Variants in MIR2052HG observed in about 807,000 individuals in gnomAD.
MIR2052HG encodes the protein MIR2052 host gene.
intron 4 of MIR2052HG, among the ~76,000 whole-genome samples, chr8:74,751,065 C>T (rs981768218): frequency 1.3e-5 from 2 of 152,128 alleles, no homozygotes; most frequent in African/African-American, 4.8e-5. Flanking sequence ...CAAATTTGCC[C>T]ACTCATTAAA....
intron 2 of MIR2052HG, among the ~76,000 whole-genome samples, chr8:74,647,982 A>C (rs1481965481): frequency 6.6e-6 from 1 of 152,150 alleles, no homozygotes; most frequent in Non-Finnish European, 1.5e-5. Flanking sequence ...TTGATTGTAA[A>C]ATATGTGTGT....
chr8:74,686,647 A>G (rs566957434), intron 2 of MIR2052HG, among the ~76,000 whole-genome samples: 1 of 152,212 alleles, frequency 6.6e-6, no homozygotes, highest in East Asian at 1.9e-4. Context: ...AAATGATATT[A>G]GTGCCCTATG....
intron 4 of MIR2052HG, among the ~76,000 whole-genome samples, chr8:74,712,855 T>G (rs1809483945): frequency 6.6e-6 from 1 of 152,130 alleles, no homozygotes; most frequent in African/African-American, 2.4e-5. Context: ...TTTGGGGCAG[T>G]AGGGATGTAG....
chr8:74,750,012 T>A (rs1024070666), intron 4 of MIR2052HG, among the ~76,000 whole-genome samples: 2 of 152,188 alleles, frequency 1.3e-5, no homozygotes, highest in African/African-American at 4.8e-5. Flanking sequence ...TTACATTTCT[T>A]TTCTCTGAGA....
At chr8:74,678,997 A>G (rs1809087164) in intron 2 of MIR2052HG, among the ~76,000 whole-genome samples, 1 of 152,228 alleles carries the variant, frequency 6.6e-6, no homozygotes, top group Non-Finnish European at 1.5e-5. Context: ...AAAGTTCAAC[A>G]TTCCATCCAT....
At chr8:74,627,201 C>CATT (rs1340048472) in intron 2 of MIR2052HG, among the ~76,000 whole-genome samples, 1 of 152,196 alleles carries the variant, frequency 6.6e-6, no homozygotes, top group Non-Finnish European at 1.5e-5. Flanking sequence ...CTTCAGGACA[C>CATT]ATTACAGTTT....
chr8:74,633,013 ATTTG>A (rs369694068), intron 2 of MIR2052HG, among the ~76,000 whole-genome samples: 2,696 of 151,334 alleles, frequency 0.018, 71 homozygotes, highest in African/African-American at 0.056. Flanking sequence ...CTACTCTTTT[ATTTG>A]TTTGTTTGTT....
intron 4 of MIR2052HG, among the ~76,000 whole-genome samples, chr8:74,724,596 T>A: frequency 6.6e-6 from 1 of 152,242 alleles, no homozygotes; most frequent in African/African-American, 2.4e-5. Context: ...TTGCATTTGT[T>A]ATTTTGACAA....
At chr8:74,622,278 C>A (rs1230456673) in intron 2 of MIR2052HG, among the ~76,000 whole-genome samples, 5 of 152,050 alleles carry the variant, frequency 3.3e-5, no homozygotes, top group African/African-American at 1.2e-4. Flanking sequence ...GTAAATGAAA[C>A]AACAGGTATA....
intron 4 of MIR2052HG, among the ~76,000 whole-genome samples, chr8:74,722,459 A>T (rs116318250): frequency 0.013 from 1,930 of 152,352 alleles, 31 homozygotes; most frequent in African/African-American, 0.044. Context: ...TGTAGAAATC[A>T]TTCTTGGCAG....
At chr8:74,698,245 C>T (rs1215793744) in intron 2 of MIR2052HG, among the ~76,000 whole-genome samples, 3 of 152,008 alleles carry the variant, frequency 2.0e-5, no homozygotes, top group African/African-American at 4.8e-5. Context: ...CAAACAAAAA[C>T]AAAGTCGGGG....
Position 74,604,455 on chromosome 8 carries a change from TGGAGGA to T in MIR2052HG, n.128+4560_128+4565del, listed in dbSNP as rs577633429. Among the ~76,000 whole-genome samples, 229 of 65,782 alleles carry T rather than the reference TGGAGGA, an allele frequency of 3.5e-3. 1 individual carries two copies. The Middle Eastern group carries it at 0.044, about 13-fold the overall frequency. The allele number at this position is 65,782 out of a possible 152,430, so 43.2% of individuals were successfully genotyped here. A position where few individuals can be genotyped will look rare whatever the true frequency, so the allele number is the denominator to read the frequency against. Reference sequence around the variant, plus strand: ...GGGCGGGCGGAGGAGGAAGGTGGGGTGGAGGAGGAGGAGGAGGAAGGGGGAAAGAGA... The same window carrying T: ...GGGCGGGCGGAGGAGGAAGGTGGGGTGGAGGAGGAGGAAGGGGGAAAGAGA... On this transcript the variant is annotated intron_variant and non_coding_transcript_variant, in intron 1 of 6. Transcript: ENST00000523442.
At chr8:74,749,646 C>T (rs1016640298) in intron 4 of MIR2052HG, among the ~76,000 whole-genome samples, 1 of 151,908 alleles carries the variant, frequency 6.6e-6, no homozygotes, top group African/African-American at 2.4e-5. Flanking sequence ...GTCAGGAGCA[C>T]GAGACCAGCC....
intron 4 of MIR2052HG, among the ~76,000 whole-genome samples, chr8:74,750,226 G>A (rs1341942665): frequency 5.3e-5 from 8 of 152,162 alleles, no homozygotes; most frequent in African/African-American, 1.9e-4. Flanking sequence ...AGTCACATAT[G>A]CCTTTGTAAG....
At chr8:74,613,244 G>A (rs1268359767) in intron 2 of MIR2052HG, among the ~76,000 whole-genome samples, 1 of 152,116 alleles carries the variant, frequency 6.6e-6, no homozygotes, top group Admixed American at 6.5e-5. Flanking sequence ...GGTACTATAT[G>A]AACATCACAC....
At chr8:74,671,003 A>T (rs1808985812) in intron 2 of MIR2052HG, among the ~76,000 whole-genome samples, 1 of 151,478 alleles carries the variant, frequency 6.6e-6, no homozygotes, top group South Asian at 2.1e-4. Context: ...TGGACCCCAG[A>T]TTTTATGAAT....
At chr8:74,660,903 G>C (rs1220466126) in intron 2 of MIR2052HG, among the ~76,000 whole-genome samples, 3 of 152,016 alleles carry the variant, frequency 2.0e-5, no homozygotes, top group Non-Finnish European at 4.4e-5. Context: ...AATTGGAGGA[G>C]ATCCGATGAA....
At chr8:74,645,745 A>G (rs1375652140) in intron 2 of MIR2052HG, among the ~76,000 whole-genome samples, 1 of 152,202 alleles carries the variant, frequency 6.6e-6, no homozygotes, top group Non-Finnish European at 1.5e-5. Context: ...TATTCCATTA[A>G]TCAGACCCAT....
chr8:74,755,734 T>G (rs1444519543), intron 5 of MIR2052HG, among the ~76,000 whole-genome samples: 1 of 152,166 alleles, frequency 6.6e-6, no homozygotes, highest in African/African-American at 2.4e-5. Flanking sequence ...GACATGATTA[T>G]GTTTGTCTGA....
Sources: allele counts gnomAD v4.1 joint callset (sites outside exome capture counted in the v4.1 genomes callset), GRCh38; gene constraint gnomAD v4.1.1; transcripts MANE v1.5; gene names NCBI Gene and HGNC (gene_info 2026-07-23, HGNC 2026-07-21).